Variants in DERL2 observed in about 807,000 individuals in gnomAD.
DERL2 encodes the protein derlin 2.
In DERL2, 13 loss-of-function variants were observed where a neutral mutation model predicts 32.0. That is an observed-to-expected ratio of 0.41 (90% CI 0.26 to 0.65). The LOEUF (loss-of-function observed/expected upper bound fraction) is 0.65. DERL2 is among the 30% of genes least tolerant of loss of function. The probability of loss-of-function intolerance (pLI) is 0.35; values close to 1 mark genes in which losing one functional copy is unlikely to be tolerated. For missense variants in DERL2, 208 were observed against 296.3 expected (o/e 0.70, Z 2.19); for synonymous variants, 111 against 104.7 (o/e 1.06, Z -0.37).
chr17:5,473,570 T>G lies in DERL2; in HGVS notation c.*1114A>C, dbSNP rs561338651. The G allele has an allele frequency of 1.3e-4, 19 of 150,844 alleles. No individual in the cohort carries two copies. Among genetic ancestry groups the G allele is most frequent in the African/African-American group, 4.1e-4 (17 of 41,082 alleles). 9.3% of individuals were successfully genotyped at this position (150,844 alleles called of 1,614,324 possible). A position where few individuals can be genotyped will look rare whatever the true frequency, so the allele number is the denominator to read the frequency against. The stretch of plus-strand genomic sequence containing the variant: ...CCAAAGTCAACATTCTAACTTGGTT[T>G]CCAAATCTAATGAAAATCTGAGACC... On this transcript the variant is annotated 3_prime_UTR_variant, in exon 7 of 7. Transcript: ENST00000158771.
intron 2 of DERL2, among the ~76,000 whole-genome samples, chr17:5,484,950 G>C (rs1342314535): frequency 6.6e-6 from 1 of 152,220 alleles, no homozygotes; most frequent in Non-Finnish European, 1.5e-5. Flanking sequence ...TGAGGAGCTT[G>C]AGAATCTCTT....
rs1479041039 is a variant in DERL2, at chr17:5,472,889, T to C, written c.*1795A>G. On this transcript the variant is annotated 3_prime_UTR_variant, in exon 7 of 7. Transcript: ENST00000158771. The stretch of plus-strand genomic sequence containing the variant: ...CCCATAAGGATTATACATGCTAAGA[T>C]TGGCTTTTAAACTTTGAAAACCTTT... 1.3e-5 allele frequency: 2 copies of C among 152,210 alleles called. No homozygotes were observed. The highest frequency in any genetic ancestry group is 2.4e-5 in the African/African-American group (1 of 41,448). 9.4% of individuals were successfully genotyped at this position (152,210 alleles called of 1,614,324 possible). A position where few individuals can be genotyped will look rare whatever the true frequency, so the allele number is the denominator to read the frequency against.
intron 2 of DERL2, 84 bp downstream of exon 2, chr17:5,485,067 G>T: frequency 1.0e-6 from 1 of 961,094 alleles, no homozygotes; most frequent in Non-Finnish European, 1.5e-6. Context: ...TCTTTTTTAG[G>T]ATAGTGTATA....
Position 5,480,547 on chromosome 17 carries a change from G to A in DERL2, c.363C>T (p.Gly121=), listed in dbSNP as rs1191682098. The change falls in exon 5 of 7, where the codon GGC becomes GGT. Residue 121 remains glycine, a synonymous_variant. Transcript: ENST00000158771. The stretch of plus-strand genomic sequence containing the variant: ...AGACGAGCATTATTGTAAAGGCCTG[G>A]CCCAAGAAAACTAAGCTCACAAACA... The part of the protein sequence containing the change: ...FGLFVSLVFL[G]QAFTIMLVYV... 3.9e-6 allele frequency: 6 copies of A among 1,553,864 alleles called. No individual in the cohort carries two copies. Among genetic ancestry groups the A allele is most frequent in the Non-Finnish European group, 5.2e-6 (6 of 1,158,160 alleles).
intron 6 of DERL2, among the ~76,000 whole-genome samples, chr17:5,476,960 A>C (rs1905430314): frequency 2.0e-5 from 3 of 152,096 alleles, no homozygotes. Flanking sequence ...TCCCTGTAAG[A>C]GGGCAGCCTG....
At chr17:5,484,370 G>A (rs1030884129) in intron 2 of DERL2, among the ~76,000 whole-genome samples, 3 of 152,088 alleles carry the variant, frequency 2.0e-5, no homozygotes, top group Non-Finnish European at 2.9e-5. Context: ...CCTCAGCCTC[G>A]CCAGTAGCTA....
intron 6 of DERL2, among the ~76,000 whole-genome samples, chr17:5,479,638 T>TCCAG (rs1905642157): frequency 6.6e-6 from 1 of 152,078 alleles, no homozygotes; most frequent in Non-Finnish European, 1.5e-5. Flanking sequence ...CCAAAGCTAT[T>TCCAG]TCCACTCTGC....
Position 5,473,204 on chromosome 17 carries a change from G to A in DERL2, c.*1480C>T, listed in dbSNP as rs186725373. On this transcript the variant is annotated 3_prime_UTR_variant, in exon 7 of 7. Transcript: ENST00000158771. ...ACTAACAATCCACTTTTGGGAAAGGGACCTGTGCCTACATGCCGTTAATGA... is the reference window on the plus strand; with the variant it reads ...ACTAACAATCCACTTTTGGGAAAGGAACCTGTGCCTACATGCCGTTAATGA... The A allele has an allele frequency of 1.3e-5, 2 of 152,300 alleles. No individual in the cohort carries two copies. The highest frequency in any genetic ancestry group is 3.9e-4 in the East Asian group (2 of 5,186). The allele number at this position is 152,300 out of a possible 1,614,324, so 9.4% of individuals were successfully genotyped here.
upstream of DERL2, chr17:5,486,238 G>A (rs955260626): frequency 1.9e-4 from 241 of 1,240,508 alleles, no homozygotes; most frequent in Non-Finnish European, 2.5e-4. Context: ...GGCGGGGCGG[G>A]CCCAAAGGCC....
chr17:5,486,605 C>G (rs1906340386), upstream of DERL2: 1 of 156,474 alleles, frequency 6.4e-6, no homozygotes, highest in Non-Finnish European at 1.4e-5. Context: ...GCCGTCTGTC[C>G]CTGGCAAGCC....
At chr17:5,482,591 G>C (rs962857140) in intron 3 of DERL2, 1 of 412,422 alleles carries the variant, frequency 2.4e-6, no homozygotes, top group African/African-American at 2.1e-5. Context: ...CAAAAGAGCA[G>C]AAGTGCTATC....
intron 6 of DERL2, among the ~76,000 whole-genome samples, chr17:5,479,068 C>T (rs987818914): frequency 6.6e-6 from 1 of 152,140 alleles, no homozygotes; most frequent in African/African-American, 2.4e-5. Flanking sequence ...GATCCGTCTG[C>T]CTTCACCTCT....
intron 6 of DERL2, among the ~76,000 whole-genome samples, chr17:5,476,441 A>T (rs1905382629): frequency 6.6e-6 from 1 of 152,216 alleles, no homozygotes; most frequent in African/African-American, 2.4e-5. Context: ...GTGGTCAATA[A>T]ACGTGAGAAT....
chr17:5,479,496 T>TAAAAAAAAAAAAAAAAAAA (rs11306765), intron 6 of DERL2, among the ~76,000 whole-genome samples: 5 of 69,400 alleles, frequency 7.2e-5, no homozygotes, highest in African/African-American at 1.3e-4. Flanking sequence ...AGACTCCATG[T>TAAAAAAAAAAAAAAAAAAA]AAAAAAAAAA....
At chr17:5,486,364 C>T (rs547137930), upstream of DERL2, 6 of 506,916 alleles carry the variant, frequency 1.2e-5, no homozygotes, top group Non-Finnish European at 2.1e-5. Context: ...CCGCCCCCCC[C>T]CAGCGCCCCA....
Position 5,480,368 on chromosome 17 carries a change from A to T in DERL2, c.523+19T>A. 1.3e-6 allele frequency: 2 copies of T among 1,586,538 alleles called. No individual in the cohort carries two copies. The highest frequency in any genetic ancestry group is 2.3e-5 in the South Asian group (2 of 85,594). Reference sequence around the variant, plus strand: ...TTTTACAGGTAAAATAATTTAAAAAATAGTGAGAAGAGCCTTACCCAAAAG... The same window carrying T: ...TTTTACAGGTAAAATAATTTAAAAATTAGTGAGAAGAGCCTTACCCAAAAG... On this transcript the variant is annotated intron_variant, in intron 5 of 6. Coordinates refer to ENST00000158771, the MANE Select transcript of DERL2 (RefSeq NM_016041.5).
At chr17:5,476,477 A>G (rs1905385042) in intron 6 of DERL2, among the ~76,000 whole-genome samples, 1 of 152,194 alleles carries the variant, frequency 6.6e-6, no homozygotes, top group African/African-American at 2.4e-5. Context: ...AATCAAAGGA[A>G]AGTATATTAG....
At chr17:5,480,337 A>G (rs1213707363) in intron 5 of DERL2, 50 bp downstream of exon 5, 2 of 1,548,454 alleles carry the variant, frequency 1.3e-6, no homozygotes, top group South Asian at 1.2e-5. Flanking sequence ...AATAGTAACA[A>G]AATACTTTTA....
rs967660045 is a variant in DERL2 at position 5,471,908 on chromosome 17, T to C, written c.*2776A>G. The C allele has an allele frequency of 6.6e-6, 1 of 152,170 alleles. No homozygotes were observed. Among genetic ancestry groups the C allele is most frequent in the Admixed American group, 6.5e-5 (1 of 15,280 alleles). 9.4% of individuals were successfully genotyped at this position (152,170 alleles called of 1,614,324 possible). On this transcript the variant is annotated 3_prime_UTR_variant, in exon 7 of 7. Transcript: ENST00000158771. ...GGCAATAGCTCCAATGCTTCCTTAT[T>C]TTCAGAGGCCCCAGAGACTGAGGGT... is the stretch of plus-strand genomic sequence containing the variant.
Sources: gnomAD v4.1 joint callset for allele counts (sites outside exome capture counted in the v4.1 genomes callset) on GRCh38, gnomAD v4.1.1 for gene constraint, MANE v1.5 for transcripts, NCBI Gene and HGNC (gene_info 2026-07-23, HGNC 2026-07-21) for gene names.